The following CELSR1 variants were observed in gnomAD, a reference collection of about 807,000 sequenced individuals.
CELSR1 encodes cadherin EGF LAG seven-pass G-type receptor 1, also known as adhesion G protein-coupled receptor C1.
CELSR1 carries 110 observed loss-of-function variants against 249.1 expected under a neutral mutation model. The observed-to-expected ratio is 0.44, with a 90% CI of 0.38 to 0.52. CELSR1 has a LOEUF of 0.52. Among genes scored for constraint, CELSR1 ranks in the 20% least tolerant of loss-of-function variants. The pLI is 0.00. For synonymous variants in CELSR1, 2,113 were observed against 1,900.0 expected (o/e 1.11, Z -2.92); for missense variants, 4,109 against 4,296.4 (o/e 0.96, Z 1.22).
At position 46,397,061 on chromosome 22, in the gene CELSR1, C is replaced by T. The variant is rs151100094; in HGVS notation, c.5702-315G>A. Among the ~76,000 whole-genome samples, 389 of 152,156 alleles carry T rather than the reference C, an allele frequency of 2.6e-3. 1 individual carries two copies. Among genetic ancestry groups the T allele is most frequent in the South Asian group, 0.013 (65 of 4,822 alleles). On this transcript the variant is annotated intron_variant, in intron 12 of 34. Transcript: ENST00000674500. ...TAAGCACCTCAAAACTCTGAGGCCA[C>T]CCTGAATGGAGGATTTTCTTAATAT...
chr22:46,375,635 C>T (rs1447590276), intron 24 of CELSR1, among the ~76,000 whole-genome samples: 1 of 151,782 alleles, frequency 6.6e-6, no homozygotes, highest in Non-Finnish European at 1.5e-5. Context: ...CCTCTGCCTC[C>T]CGGGTTCAAG....
At chr22:46,509,759 G>A (rs1326547370) in intron 1 of CELSR1, among the ~76,000 whole-genome samples, 3 of 152,162 alleles carry the variant, frequency 2.0e-5, no homozygotes, top group African/African-American at 7.2e-5. Flanking sequence ...GAGCTGGGAG[G>A]AGGGGTTTCA....
At chr22:46,444,882 G>C (rs1044245464) in intron 2 of CELSR1, among the ~76,000 whole-genome samples, 1 of 152,170 alleles carries the variant, frequency 6.6e-6, no homozygotes, top group Admixed American at 6.5e-5. Flanking sequence ...GTCCTCACAA[G>C]GCCGTCAAAT....
In CELSR1 at chr22:46,391,650, G is replaced by T. The variant is rs759442289; in HGVS notation, c.6131C>A (p.Thr2044Asn). ...ACGCGGACCTTCACAGCCGAGCGTGGTGACCTCGGCAAACGGGTTGTCGCA... is the reference window on the plus strand; with the variant it reads ...ACGCGGACCTTCACAGCCGAGCGTGTTGACCTCGGCAAACGGGTTGTCGCA... ...NRCDNPFAEV[T>N]TLGCEVIYNG... Residue 2044 changes from threonine to asparagine, a missense_variant, in exon 15 of 35, where the codon ACC becomes AAC. By Grantham distance (65) the Thr-to-Asn change is moderately conservative (BLOSUM62 0). Transcript: ENST00000674500. The surrounding 1 kb of genome is among the most constrained non-coding windows in gnomAD (Gnocchi z 4.3). 136 of 1,603,986 alleles carry T rather than the reference G, an allele frequency of 8.5e-5. No individual in the cohort carries two copies. The highest frequency in any genetic ancestry group is 1.1e-4 in the Non-Finnish European group (135 of 1,177,540).
Position 46,505,429 on chromosome 22 carries a change from T to C in CELSR1, c.3544+28198A>G, listed in dbSNP as rs192857259. On this transcript the variant is annotated intron_variant, in intron 1 of 34. Coordinates refer to ENST00000674500, the MANE Select transcript of CELSR1 (RefSeq NM_001378328.1). ...TGGGAAAATTGTTTGAGCCCAGGAG[T>C]TTGAAACCAGCCTGGGCAACACAGC... is the stretch of plus-strand genomic sequence containing the variant. Among the ~76,000 whole-genome samples, 209 of 151,224 alleles carry C rather than the reference T, an allele frequency of 1.4e-3. 1 individual carries two copies. Among genetic ancestry groups the C allele is most frequent in the African/African-American group, 4.9e-3 (200 of 41,128 alleles).
chr22:46,478,817 G>A (rs947479256), intron 1 of CELSR1, among the ~76,000 whole-genome samples: 5 of 151,786 alleles, frequency 3.3e-5, no homozygotes, highest in Non-Finnish European at 5.9e-5. Flanking sequence ...CTCCCAAAGC[G>A]CTGGGATTAC....
chr22:46,535,921 C>T lies in CELSR1; in HGVS notation c.1250G>A (p.Arg417Gln), dbSNP rs1297380853. 2 of 1,609,080 alleles carry T rather than the reference C, an allele frequency of 1.2e-6. No homozygotes were observed. The highest frequency in any genetic ancestry group is 1.7e-6 in the Non-Finnish European group (2 of 1,179,562). Residue 417 changes from arginine to glutamine, a missense_variant, in exon 1 of 35, where the codon CGG (arginine) becomes CAG (glutamine). By Grantham distance (43) the Arg-to-Gln change is conservative (BLOSUM62 1). Transcript: ENST00000674500. ...GVVSTRAVLD[R>Q]EEAAEYQLLV... Reference sequence around the variant, plus strand: ...GAGCTGGTACTCGGCCGCCTCCTCCCGGTCCAGCACCGCCCGTGTGCTCAC... The same window carrying T: ...GAGCTGGTACTCGGCCGCCTCCTCCTGGTCCAGCACCGCCCGTGTGCTCAC...
chr22:46,381,742 C>T lies in CELSR1; in HGVS notation c.7088+104G>A. 1 of 1,071,652 alleles carries T rather than the reference C, an allele frequency of 9.3e-7. No homozygotes were observed. Among genetic ancestry groups the T allele is most frequent in the Non-Finnish European group, 1.3e-6 (1 of 756,036 alleles). The allele number at this position is 1,071,652 out of a possible 1,614,324, so 66.4% of individuals were successfully genotyped here. ...CTGGGCCAGGGTCACGGTGAAATGT[C>T]ACTGTGAAGACCTGTGCTTGATCAG... On this transcript the variant is annotated intron_variant, in intron 21 of 34. Transcript: ENST00000674500. The surrounding 1 kb of genome is among the most constrained non-coding windows in gnomAD (Gnocchi z 6.0).
At chr22:46,365,419 G>A (rs772832750) in intron 31 of CELSR1, 39 bp from the exon 32 acceptor site, 1 of 1,605,878 alleles carries the variant, frequency 6.2e-7, no homozygotes, top group Non-Finnish European at 8.5e-7. Context: ...CAGGCCCTGG[G>A]AGGTGAGGGA....
In CELSR1 at chr22:46,410,973, T is replaced by A. The variant is rs1466334976; in HGVS notation, c.4770-412A>T. Reference sequence around the variant, plus strand: ...ATGAGAACCCAGCACTTTGGGAGGCTGAGGCGGGCAGATCACGAGGTCAAG... The same window carrying A: ...ATGAGAACCCAGCACTTTGGGAGGCAGAGGCGGGCAGATCACGAGGTCAAG... On this transcript the variant is annotated intron_variant, in intron 6 of 34. Coordinates refer to ENST00000674500, the MANE Select transcript of CELSR1 (RefSeq NM_001378328.1). This position sits in a 1 kb window ranked among gnomAD's most constrained non-coding sequence, Gnocchi z 6.8. Among the ~76,000 whole-genome samples, 1 of 152,064 alleles carries A rather than the reference T, an allele frequency of 6.6e-6. No individual in the cohort carries two copies. Among genetic ancestry groups the A allele is most frequent in the Admixed American group, 6.6e-5 (1 of 15,262 alleles).
Position 46,364,729 on chromosome 22 carries a change from A to T in CELSR1, c.8562T>A (p.Ala2854=). 1 of 1,611,834 alleles carries T rather than the reference A, an allele frequency of 6.2e-7. No individual in the cohort carries two copies. Among genetic ancestry groups the T allele is most frequent in the Middle Eastern group, 1.7e-4 (1 of 6,056 alleles). ...GAVHSTPKGD[A]VANHVPAGWP... ...AGCCGGCCGGAACGTGGTTGGCCACAGCGTCCCCTGAGGCACGAGAGCGGT... is the reference window on the plus strand; with the variant it reads ...AGCCGGCCGGAACGTGGTTGGCCACTGCGTCCCCTGAGGCACGAGAGCGGT... The change falls in exon 33 of 35, where the codon GCT becomes GCA. Residue 2854 remains alanine, a synonymous_variant. Coordinates refer to ENST00000674500, the MANE Select transcript of CELSR1 (RefSeq NM_001378328.1).
chr22:46,384,932 A>G (rs1226230831), intron 19 of CELSR1, among the ~76,000 whole-genome samples: 1 of 151,948 alleles, frequency 6.6e-6, no homozygotes, highest in Admixed American at 6.6e-5. Flanking sequence ...CTGGGATTAC[A>G]GGCAGGCACC....
rs957467772 is a variant in CELSR1, at chr22:46,484,101, T to TAGGG, written c.3545-19760_3545-19757dup. Among the ~76,000 whole-genome samples the TAGGG allele has an allele frequency of 6.6e-6, 1 of 152,146 alleles. No homozygotes were observed. On this transcript the variant is annotated intron_variant, in intron 1 of 34. Coordinates refer to ENST00000674500, the MANE Select transcript of CELSR1 (RefSeq NM_001378328.1). The surrounding 1 kb of genome is among the most constrained non-coding windows in gnomAD (Gnocchi z 4.5). ...CTGCCCTGGCTCTCAGACTCACCTG[T>TAGGG]AGGGAGGAGCGCCCCAGGCCTTCCG...
intron 1 of CELSR1, among the ~76,000 whole-genome samples, chr22:46,502,447 T>A (rs866098159): frequency 4.7e-5 from 2 of 42,518 alleles, no homozygotes; most frequent in Non-Finnish European, 4.6e-5. Flanking sequence ...AAGGGTAAAG[T>A]GGAAAGAAGA....
At chr22:46,375,315 G>A (rs2078906953) in intron 24 of CELSR1, among the ~76,000 whole-genome samples, 1 of 152,064 alleles carries the variant, frequency 6.6e-6, no homozygotes, top group African/African-American at 2.4e-5. Context: ...CCCAGACCCT[G>A]CCTCTCAATG....
chr22:46,457,205 A>G lies in CELSR1; in HGVS notation c.4183+6502T>C, dbSNP rs35106019. ...ACTAAAAACACAAAAATTAACCAAG[A>G]GTGGTGGTGCATGCCTGTAATCCCA... is the stretch of plus-strand genomic sequence containing the variant. On this transcript the variant is annotated intron_variant, in intron 2 of 34. Transcript: ENST00000674500. 2.0e-5 allele frequency among the ~76,000 whole-genome samples: 3 copies of G among 151,900 alleles called. 1 individual carries two copies. In the South Asian group the frequency reaches 6.2e-4, roughly 32 times the overall value.
In CELSR1 at chr22:46,464,151, C is replaced by T. The variant is rs753494885; in HGVS notation, c.3739G>A (p.Val1247Ile). 47 of 1,613,742 alleles carry T rather than the reference C, an allele frequency of 2.9e-5. No homozygotes were observed. Among genetic ancestry groups the T allele is most frequent in the East Asian group, 8.9e-5 (4 of 44,874 alleles). ...TTKDDVFVFN[V>I]QNDTDVSSNI... The stretch of plus-strand genomic sequence containing the variant: ...GAGCTGACGTCGGTGTCGTTCTGGA[C>T]GTTGAAGACGAAGACGTCGTCCTTG... The change falls in exon 2 of 35, where the codon GTC becomes ATC. Residue 1247 changes from valine (V) to isoleucine (I), a missense_variant. This residue lies in a region of CELSR1 where 141 missense variants were observed against 209.4 expected (regional missense o/e 0.67). Transcript: ENST00000674500. The surrounding 1 kb of genome is among the most constrained non-coding windows in gnomAD (Gnocchi z 8.5).
At chr22:46,452,024 C>G (rs1299926358) in intron 2 of CELSR1, among the ~76,000 whole-genome samples, 1 of 152,192 alleles carries the variant, frequency 6.6e-6, no homozygotes, top group East Asian at 1.9e-4. Context: ...GGCAGGGGGG[C>G]TCCTCCTAGA....
At position 46,389,483 on chromosome 22, in the gene CELSR1, C is replaced by T. The variant is rs765148329; in HGVS notation, c.6362G>A (p.Arg2121His). 2.4e-5 allele frequency: 38 copies of T among 1,613,278 alleles called. No individual in the cohort carries two copies. The highest frequency in any genetic ancestry group is 1.6e-4 in the Middle Eastern group (1 of 6,062). ...DLRAMNEKLS[R>H]NETQVDGARA... ...GGCGCCGTCCACCTGCGTCTCATTGCGGCTCAGCTTCTCATTCTGGAACAG... is the reference window on the plus strand; with the variant it reads ...GGCGCCGTCCACCTGCGTCTCATTGTGGCTCAGCTTCTCATTCTGGAACAG... Residue 2121 changes from arginine (R) to histidine (H), a missense_variant, in exon 18 of 35, where the codon CGC (arginine) becomes CAC (histidine). Physicochemically the swap from Arg to His is conservative, Grantham distance 29. Coordinates refer to ENST00000674500, the MANE Select transcript of CELSR1 (RefSeq NM_001378328.1).
Sources: allele counts gnomAD v4.1 joint callset (sites outside exome capture counted in the v4.1 genomes callset), GRCh38; gene constraint gnomAD v4.1.1; regional missense constraint gnomAD v4.1.1; non-coding constraint Gnocchi (gnomAD v3.1); transcripts MANE v1.5; gene names NCBI Gene and HGNC (gene_info 2026-07-23, HGNC 2026-07-21).